The following ZNF141 variants were observed in gnomAD, a reference collection of about 807,000 sequenced individuals.
ZNF141 encodes the protein zinc finger protein 141 (clone pHZ-44).
In ZNF141, 7 loss-of-function variants were observed where a neutral mutation model predicts 11.3. The observed-to-expected ratio is 0.62, with a 90% CI of 0.35 to 1.16. The LOEUF (loss-of-function observed/expected upper bound fraction) is 1.16. Ranked by LOEUF, ZNF141 falls within the 50% of genes most tolerant of loss-of-function variation. ZNF141 has a pLI of 0.02. For missense variants in ZNF141, 535 were observed against 554.0 expected (o/e 0.97, Z 0.34); for synonymous variants, 183 against 190.7 (o/e 0.96, Z 0.33).
intron 3 of ZNF141, among the ~76,000 whole-genome samples, chr4:345,019 C>G (rs1453311849): frequency 1.3e-5 from 2 of 152,180 alleles, no homozygotes; most frequent in African/African-American, 4.8e-5. Context: ...CATGATGTGA[C>G]TGCTGTTCCA....
At chr4:342,918 A>G in intron 1 of ZNF141, 1 of 1,579,514 alleles carries the variant, frequency 6.3e-7, no homozygotes. Flanking sequence ...GCATTTCCTT[A>G]GTGTCAGGAT....
intron 3 of ZNF141, among the ~76,000 whole-genome samples, chr4:362,148 A>G (rs1459845664): frequency 2.6e-5 from 4 of 152,064 alleles, no homozygotes; most frequent in Non-Finnish European, 5.9e-5. Context: ...GCATTTTTTC[A>G]TGTGTCTTTT....
intron 3 of ZNF141, among the ~76,000 whole-genome samples, chr4:367,600 T>G (rs1553853081): frequency 6.6e-6 from 1 of 150,838 alleles, no homozygotes; most frequent in East Asian, 1.9e-4. Flanking sequence ...CACTGCAACC[T>G]CTGCCTCCCA....
At chr4:370,085 C>G (rs1425549448) in intron 3 of ZNF141, among the ~76,000 whole-genome samples, 2 of 151,962 alleles carry the variant, frequency 1.3e-5, no homozygotes, top group Non-Finnish European at 2.9e-5. Context: ...ATTTTAAACT[C>G]TTAAAAATGT....
At chr4:365,881 A>G (rs531333506) in intron 3 of ZNF141, among the ~76,000 whole-genome samples, 3 of 152,372 alleles carry the variant, frequency 2.0e-5, no homozygotes, top group Non-Finnish European at 1.5e-5. Flanking sequence ...CCTAGCACCA[A>G]TTATTGAAAA....
chr4:364,376 A>G (rs1431449921), intron 3 of ZNF141, among the ~76,000 whole-genome samples: 2 of 152,028 alleles, frequency 1.3e-5, no homozygotes, highest in African/African-American at 2.4e-5. Flanking sequence ...AGAGCCTGTT[A>G]TTGGTCTATT....
In ZNF141 at chr4:345,729, CA is replaced by C. The variant is rs1321182710; in HGVS notation, c.226+1320del. Among the ~76,000 whole-genome samples, 424 of 64,616 alleles carry C rather than the reference CA, an allele frequency of 6.6e-3. 2 individuals are homozygous for C. The highest frequency in any genetic ancestry group is 0.031 in the Middle Eastern group (3 of 96). The allele number at this position is 64,616 out of a possible 152,430, so 42.4% of individuals were successfully genotyped here. ...GGCAACAAGAGTGAAACTCTGTCTCCAAAAAAAAAAAAAAAAAAAAAGTTTT... is the reference window on the plus strand; with the variant it reads ...GGCAACAAGAGTGAAACTCTGTCTCCAAAAAAAAAAAAAAAAAAAAGTTTT... On this transcript the variant is annotated intron_variant, in intron 3 of 3. Transcript: ENST00000240499.
chr4:371,371 A>G (rs1712052552), intron 3 of ZNF141, among the ~76,000 whole-genome samples: 1 of 151,590 alleles, frequency 6.6e-6, no homozygotes, highest in African/African-American at 2.4e-5. Context: ...AGCTGGGACT[A>G]CAGGCATGGG....
intron 1 of ZNF141, chr4:338,350 G>T (rs1720890129): frequency 4.0e-6 from 1 of 252,302 alleles, no homozygotes; most frequent in Admixed American, 5.1e-5. Context: ...GAATGAGATC[G>T]AGGCCCCATC....
chr4:371,568 C>G (rs1200018398), intron 3 of ZNF141, among the ~76,000 whole-genome samples: 1 of 146,596 alleles, frequency 6.8e-6, no homozygotes, highest in Non-Finnish European at 1.5e-5. Flanking sequence ...GTGTCAGAGT[C>G]TCGCTGTGTC....
At position 375,762 on chromosome 4, in the gene ZNF141, T is replaced by G. The variant is rs1268296051; in HGVS notation, c.*1900T>G. 6.6e-6 allele frequency among the ~76,000 whole-genome samples: 1 copy of G among 152,132 alleles called. No homozygotes were observed. Among genetic ancestry groups the G allele is most frequent in the Non-Finnish European group, 1.5e-5 (1 of 67,948 alleles). The stretch of plus-strand genomic sequence containing the variant: ...TTATTTCATACTGTTTCAACATTCC[T>G]GTTTATGTGAAAGCATGTGATGAAT... On this transcript the variant is annotated 3_prime_UTR_variant, in exon 4 of 4. Transcript: ENST00000240499.
Position 360,211 on chromosome 4 carries a change from A to G in ZNF141, c.227-12453A>G, listed in dbSNP as rs142123726. 7.4e-3 allele frequency among the ~76,000 whole-genome samples: 1,125 copies of G among 152,256 alleles called. 11 individuals are homozygous for G. In the Middle Eastern group the frequency reaches 0.075, roughly 10 times the overall value. On this transcript the variant is annotated intron_variant, in intron 3 of 3. Transcript: ENST00000240499. Reference sequence around the variant, plus strand: ...AACTGCTGCATTTTTGTTACTGTAGAAAGTGTGGGTAGGGAGCCTCCTATT... The same window carrying G: ...AACTGCTGCATTTTTGTTACTGTAGGAAGTGTGGGTAGGGAGCCTCCTATT...
At chr4:347,530 A>G (rs61792147) in intron 3 of ZNF141, among the ~76,000 whole-genome samples, 65,484 of 151,056 alleles carry the variant, frequency 0.43, 14,777 homozygotes, top group African/African-American at 0.57. Context: ...TAGTAGAGAC[A>G]GGGTTTCGCT....
intron 3 of ZNF141, among the ~76,000 whole-genome samples, chr4:363,027 A>T (rs1240406381): frequency 6.6e-6 from 1 of 152,196 alleles, no homozygotes; most frequent in Non-Finnish European, 1.5e-5. Context: ...ATGTTGTTCC[A>T]TTTGTTTGCG....
rs77936062 is a variant in ZNF141, at chr4:359,482, T to C, written c.227-13182T>C. Among the ~76,000 whole-genome samples the C allele has an allele frequency of 8.6e-3, 1,304 of 152,240 alleles. 18 individuals carry two copies. Among genetic ancestry groups the C allele is most frequent in the South Asian group, 0.038 (185 of 4,824 alleles). Reference sequence around the variant, plus strand: ...GCTGAGAGGGTGTGAAACTAATTCATAGGGCTGCTTCAGGATACACAGCTG... The same window carrying C: ...GCTGAGAGGGTGTGAAACTAATTCACAGGGCTGCTTCAGGATACACAGCTG... On this transcript the variant is annotated intron_variant, in intron 3 of 3. Coordinates refer to ENST00000240499, the MANE Select transcript of ZNF141 (RefSeq NM_003441.4).
intron 3 of ZNF141, among the ~76,000 whole-genome samples, chr4:346,301 C>T (rs1721315152): frequency 6.6e-6 from 1 of 152,110 alleles, no homozygotes; most frequent in African/African-American, 2.4e-5. Flanking sequence ...TACTGTACAT[C>T]TGTGTTTGTG....
In ZNF141 at chr4:384,750, C is replaced by A. The variant is rs1347343602; in HGVS notation, c.*10888C>A. ...TTTGGGCAGAACCCACAGAAGACTT[C>A]CTCGTTCTTGCCACATAAAAGACCC... On this transcript the variant is annotated 3_prime_UTR_variant, in exon 4 of 4. Transcript: ENST00000240499. 1.3e-5 allele frequency: 2 copies of A among 152,220 alleles called. No homozygotes were observed. The highest frequency in any genetic ancestry group is 2.9e-5 in the Non-Finnish European group (2 of 68,064). 9.4% of individuals were successfully genotyped at this position (152,220 alleles called of 1,614,324 possible). A position where few individuals can be genotyped will look rare whatever the true frequency, so the allele number is the denominator to read the frequency against.
At chr4:352,381 G>A (rs1004420861) in intron 3 of ZNF141, among the ~76,000 whole-genome samples, 7 of 150,440 alleles carry the variant, frequency 4.7e-5, no homozygotes, top group Non-Finnish European at 8.8e-5. Context: ...GCGAGACTCC[G>A]TCTCAAAAAA....
chr4:379,148 G>GTGAT lies in ZNF141; in HGVS notation c.*5288_*5291dup, dbSNP rs1245229299. Among the ~76,000 whole-genome samples the GTGAT allele has an allele frequency of 1.3e-5, 2 of 151,978 alleles. No individual in the cohort carries two copies. Among genetic ancestry groups the GTGAT allele is most frequent in the Non-Finnish European group, 2.9e-5 (2 of 67,980 alleles). On this transcript the variant is annotated 3_prime_UTR_variant, in exon 4 of 4. Transcript: ENST00000240499. ...GTGAGCCACTGTGCCCAGCCTCTCA[G>GTGAT]TGATTTTTGATGCAAATTCATTTAC...
Sources: allele counts gnomAD v4.1 joint callset (sites outside exome capture counted in the v4.1 genomes callset), GRCh38; gene constraint gnomAD v4.1.1; transcripts MANE v1.5; gene names NCBI Gene and HGNC (gene_info 2026-07-23, HGNC 2026-07-21).